Variants in DPF1 observed in about 807,000 individuals in gnomAD.
DPF1 encodes zinc finger protein neuro-d4.
Under a neutral mutation model 58.7 loss-of-function variants are expected in DPF1, and 14 were observed. The ratio of observed to expected loss-of-function variants is 0.24; its 90% CI spans 0.16 to 0.37. DPF1 has a LOEUF of 0.37. Among genes scored for constraint, DPF1 ranks in the 10% least tolerant of loss-of-function variants. The probability of loss-of-function intolerance (pLI) is 1.00; values close to 1 mark genes in which losing one functional copy is unlikely to be tolerated. For synonymous variants in DPF1, 216 were observed against 216.0 expected, an observed-to-expected ratio of 1.00 and a Z score of 0.00; for missense variants, 345 against 529.9, an observed-to-expected ratio of 0.65 and a Z score of 3.43.
chr19:38,220,324 GAGAA>G (rs1479434297), intron 3 of DPF1, among the ~76,000 whole-genome samples: 6 of 127,820 alleles, frequency 4.7e-5, no homozygotes, highest in South Asian at 2.6e-4. Context: ...AAGAAAGAAA[GAGAA>G]AGAAAGAAAG....
chr19:38,216,875 G>A (rs996561517), intron 7 of DPF1, among the ~76,000 whole-genome samples: 1 of 152,142 alleles, frequency 6.6e-6, no homozygotes, highest in African/African-American at 2.4e-5. Flanking sequence ...TCAGTAATTT[G>A]TATCTAACAA....
chr19:38,213,975 A>C, intron 9 of DPF1: 1 of 546,970 alleles, frequency 1.8e-6, no homozygotes, highest in Non-Finnish European at 3.3e-6. Context: ...TGGCAACCAC[A>C]CTCTGCTCCC....
At position 38,212,375 on chromosome 19, in the gene DPF1, C is replaced by A. The variant is rs749376545; in HGVS notation, c.1012-14G>T. 1.4e-6 allele frequency: 2 copies of A among 1,442,222 alleles called. No homozygotes were observed. Among genetic ancestry groups the A allele is most frequent in the Non-Finnish European group, 1.8e-6 (2 of 1,096,702 alleles). 89.3% of individuals were successfully genotyped at this position (1,442,222 alleles called of 1,614,324 possible). A position where few individuals can be genotyped will look rare whatever the true frequency, so the allele number is the denominator to read the frequency against. On this transcript the variant is annotated splice_polypyrimidine_tract_variant and intron_variant, in intron 10 of 11. Coordinates refer to ENST00000355526, the MANE Select transcript of DPF1 (RefSeq NM_001135155.3). ...CAGCAGCTGGTCCTGGGGGGTGAGA[C>A]CCGCCCAGCTGGCACCCTGGGGGCA...
chr19:38,227,419 C>T (rs868484552), upstream of DPF1, among the ~76,000 whole-genome samples: 1 of 151,978 alleles, frequency 6.6e-6, no homozygotes. Flanking sequence ...CTGACACTTG[C>T]AGCGGGCTCT....
At chr19:38,229,214 G>A (rs560344093), upstream of DPF1, among the ~76,000 whole-genome samples, 5 of 152,170 alleles carry the variant, frequency 3.3e-5, no homozygotes, top group South Asian at 6.2e-4. This position sits in a 1 kb window ranked among gnomAD's most constrained non-coding sequence, Gnocchi z 5.3. Context: ...AGCCCCGGCC[G>A]GGGCAGGCCC....
At chr19:38,219,612 G>C (rs371237378) in intron 3 of DPF1, 1 of 152,794 alleles carries the variant, frequency 6.5e-6, no homozygotes, top group Non-Finnish European at 1.5e-5. Context: ...TGAGTAGCTG[G>C]GACTACAGGC....
intron 3 of DPF1, chr19:38,219,344 AGACACAGC>A (rs1400403908): frequency 1.1e-5 from 5 of 435,068 alleles, no homozygotes; most frequent in African/African-American, 2.0e-5. Flanking sequence ...TACTCAGGGA[AGACACAGC>A]GACTCTCAAA....
rs1967702707 is a variant in DPF1 at position 38,224,139 on chromosome 19, C to T, written c.4G>A (p.Ala2Thr). The change falls in exon 1 of 12, where the codon GCC becomes ACC. Residue 2 changes from alanine to threonine, a missense_variant. Physicochemically the swap from Ala to Thr is moderately conservative, Grantham distance 58. Transcript: ENST00000355526. This position sits in a 1 kb window ranked among gnomAD's most constrained non-coding sequence, Gnocchi z 4.5. The stretch of plus-strand genomic sequence containing the variant: ...CTCAGGGGGCCAGGGATGACAGTGG[C>T]CATCTTGCTCCCCGGGTCCTGCCCC... M[A>T]TVIPGPLSLG... is the part of the protein sequence containing the mutation. 1.4e-6 allele frequency: 2 copies of T among 1,481,228 alleles called. No individual in the cohort carries two copies. The highest frequency in any genetic ancestry group is 1.8e-6 in the Non-Finnish European group (2 of 1,125,644). 91.8% of individuals were successfully genotyped at this position (1,481,228 alleles called of 1,614,324 possible).
chr19:38,222,516 G>T lies in DPF1; in HGVS notation c.190+32C>A. 3 of 1,603,700 alleles carry T rather than the reference G, an allele frequency of 1.9e-6. No individual in the cohort carries two copies. The highest frequency in any genetic ancestry group is 2.6e-6 in the Non-Finnish European group (3 of 1,175,696). Reference sequence around the variant, plus strand: ...GGCGGCGGTGGGGCGGCCTGGCCCCGCCCCGCCCTGCGCCAGCCCTCCCGG... The same window carrying T: ...GGCGGCGGTGGGGCGGCCTGGCCCCTCCCCGCCCTGCGCCAGCCCTCCCGG... On this transcript the variant is annotated intron_variant, in intron 2 of 11. Transcript: ENST00000355526. This position sits in a 1 kb window ranked among gnomAD's most constrained non-coding sequence, Gnocchi z 4.9.
intron 9 of DPF1, 59 bp from the exon 10 acceptor site, chr19:38,213,815 A>G: frequency 7.0e-7 from 1 of 1,423,474 alleles, no homozygotes. Context: ...GTGGGCACTG[A>G]CCGGCAGGGG....
Position 38,229,490 on chromosome 19 carries a change from AGGGC to A in DPF1, c.-132+65_-132+68del. 4.0e-6 allele frequency: 3 copies of A among 759,356 alleles called. No individual in the cohort carries two copies. The highest frequency in any genetic ancestry group is 4.7e-6 in the Non-Finnish European group (3 of 634,200). The allele number at this position is 759,356 out of a possible 1,614,324, so 47.0% of individuals were successfully genotyped here. On this transcript the variant is annotated intron_variant, in intron 1 of 11. Transcript: ENST00000412732. The surrounding 1 kb of genome is among the most constrained non-coding windows in gnomAD (Gnocchi z 5.3). ...GCGCTGCGTCCCCCTCCTCAGCCCC[AGGGC>A]GGGCGGGGGAAGGGCTCCTGGTGGG...
chr19:38,216,447 G>A, intron 7 of DPF1, 44 bp from the exon 8 acceptor site: 1 of 1,531,858 alleles, frequency 6.5e-7, no homozygotes, highest in Non-Finnish European at 8.8e-7. Flanking sequence ...CCACAGGCAA[G>A]GCTCCACCCT....
At chr19:38,215,720 C>A (rs539757460) in intron 9 of DPF1, among the ~76,000 whole-genome samples, 1 of 152,248 alleles carries the variant, frequency 6.6e-6, no homozygotes, top group East Asian at 1.9e-4. Context: ...AGGTGCACAA[C>A]AACACACCTG....
chr19:38,221,070 G>A (rs1417662851), intron 3 of DPF1, among the ~76,000 whole-genome samples: 1 of 152,128 alleles, frequency 6.6e-6, no homozygotes. Context: ...ACACTCGGGA[G>A]GAGCCGGACA....
At chr19:38,226,501 T>TACACACACA (rs1491357893), upstream of DPF1, among the ~76,000 whole-genome samples, 13 of 64,088 alleles carry the variant, frequency 2.0e-4, no homozygotes, top group African/African-American at 5.3e-4. Flanking sequence ...CACGGTCACT[T>TACACACACA]CTACACACAC....
At chr19:38,217,668 C>T (rs2146163229) in intron 6 of DPF1, 77 bp from the exon 7 acceptor site, 2 of 1,536,428 alleles carry the variant, frequency 1.3e-6, no homozygotes, top group Non-Finnish European at 8.8e-7. Context: ...TCCAGGATCA[C>T]ACCTCCCCCC....
At chr19:38,228,487 G>A (rs1259839333), upstream of DPF1, among the ~76,000 whole-genome samples, 1 of 143,832 alleles carries the variant, frequency 7.0e-6, no homozygotes, top group Non-Finnish European at 1.5e-5. Context: ...AGGTCGCCCC[G>A]GCCCCTTTGT....
chr19:38,222,941 A>G lies in DPF1; in HGVS notation c.30-233T>C, dbSNP rs1967616170. 1 of 530,630 alleles carries G rather than the reference A, an allele frequency of 1.9e-6. No individual in the cohort carries two copies. Among genetic ancestry groups the G allele is most frequent in the Non-Finnish European group, 3.2e-6 (1 of 309,698 alleles). The allele number at this position is 530,630 out of a possible 1,614,324, so 32.9% of individuals were successfully genotyped here. On this transcript the variant is annotated intron_variant, in intron 1 of 11. Coordinates refer to ENST00000355526, the MANE Select transcript of DPF1 (RefSeq NM_001135155.3). This position sits in a 1 kb window ranked among gnomAD's most constrained non-coding sequence, Gnocchi z 4.9. ...CCCCCAGCTCATGAGTAGAAACACG[A>G]TACAGAAACAAACAAAAACACACCG...
upstream of DPF1, among the ~76,000 whole-genome samples, chr19:38,225,403 A>T (rs549122187): frequency 1.2e-3 from 177 of 152,104 alleles, 1 homozygote; most frequent in African/African-American, 3.8e-3. Context: ...CCCTGTGTCT[A>T]CAAAAAAAAA....
Sources: allele counts gnomAD v4.1 joint callset (sites outside exome capture counted in the v4.1 genomes callset), GRCh38; gene constraint gnomAD v4.1.1; non-coding constraint Gnocchi (gnomAD v3.1); transcripts MANE v1.5; gene names NCBI Gene and HGNC (gene_info 2026-07-23, HGNC 2026-07-21).